The following MYO9B variants were observed in gnomAD, a reference collection of about 807,000 sequenced individuals.
MYO9B encodes the protein unconventional myosin-IXb.
A neutral mutation model predicts 229.5 loss-of-function variants in MYO9B; 71 were observed. That is an observed-to-expected ratio of 0.31 (90% CI 0.26 to 0.38). The LOEUF (loss-of-function observed/expected upper bound fraction) is 0.38, where lower values mean the gene tolerates loss of function less well. Ranked by LOEUF, MYO9B falls within the 10% of genes least tolerant of loss-of-function variation. The pLI, the probability that MYO9B is intolerant of heterozygous loss-of-function variation, is 1.00. For missense variants in MYO9B, 2,255 were observed against 2,920.5 expected (o/e 0.77, Z 5.25); for synonymous variants, 1,185 against 1,235.8 (o/e 0.96, Z 0.86).
At chr19:17,120,801 G>GAT (rs1173014470) in intron 2 of MYO9B, among the ~76,000 whole-genome samples, 1 of 151,810 alleles carries the variant, frequency 6.6e-6, no homozygotes, top group Non-Finnish European at 1.5e-5. Context: ...GAGAGAGAGA[G>GAT]ATATATAACA....
At chr19:17,135,702 GGGGTAATC>G (rs755857813) in intron 2 of MYO9B, among the ~76,000 whole-genome samples, 15 of 152,144 alleles carry the variant, frequency 9.9e-5, no homozygotes, top group Non-Finnish European at 4.4e-5. Context: ...ATTGGTGCAC[GGGGTAATC>G]GGGTAATCGC....
Position 17,172,622 on chromosome 19 carries a change from C to T in MYO9B, c.1936-137C>T. On this transcript the variant is annotated intron_variant, in intron 12 of 39. Coordinates refer to ENST00000682292, the MANE Select transcript of MYO9B (RefSeq NM_004145.4). The surrounding 1 kb of genome is among the most constrained non-coding windows in gnomAD (Gnocchi z 8.2). ...TCCCCGGCTCCAATGTCCAAGGCGC[C>T]ATAGTTCAAGAACTGCCATTTGCAC... 1 of 1,461,110 alleles carries T rather than the reference C, an allele frequency of 6.8e-7. No individual in the cohort carries two copies. The highest frequency in any genetic ancestry group is 1.4e-5 in the African/African-American group (1 of 71,860). 90.5% of individuals were successfully genotyped at this position (1,461,110 alleles called of 1,614,324 possible).
chr19:17,132,780 G>A (rs1478371267), intron 2 of MYO9B, among the ~76,000 whole-genome samples: 23 of 151,064 alleles, frequency 1.5e-4, no homozygotes, highest in Admixed American at 1.5e-3. Flanking sequence ...CACCCACCTT[G>A]GCTTCCGAAG....
intron 2 of MYO9B, among the ~76,000 whole-genome samples, chr19:17,114,285 G>A (rs117780467): frequency 6.6e-5 from 10 of 152,176 alleles, no homozygotes; most frequent in East Asian, 1.9e-4. Flanking sequence ...GACCAAATTC[G>A]GCACGATTGT....
rs934099449 is a variant in MYO9B at position 17,180,846 on chromosome 19, C to T, written c.2220-81C>T. 5.4e-5 allele frequency: 50 copies of T among 918,430 alleles called. 1 individual carries two copies. The highest frequency in any genetic ancestry group is 2.2e-4 in the Middle Eastern group (1 of 4,572). The allele number at this position is 918,430 out of a possible 1,614,324, so 56.9% of individuals were successfully genotyped here. Reference sequence around the variant, plus strand: ...AGTGGCCTGGGGATGGTCCCAATGGCGCTGGGAACCCCGAGGTGGCAGGCC... The same window carrying T: ...AGTGGCCTGGGGATGGTCCCAATGGTGCTGGGAACCCCGAGGTGGCAGGCC... On this transcript the variant is annotated intron_variant, in intron 14 of 39. Coordinates refer to ENST00000682292, the MANE Select transcript of MYO9B (RefSeq NM_004145.4).
At chr19:17,131,022 G>A (rs1382799996) in intron 2 of MYO9B, among the ~76,000 whole-genome samples, 1 of 152,048 alleles carries the variant, frequency 6.6e-6, no homozygotes, top group Non-Finnish European at 1.5e-5. Flanking sequence ...CATACCCCAG[G>A]TACTATCTGA....
intron 2 of MYO9B, among the ~76,000 whole-genome samples, chr19:17,111,293 C>A (rs1456245988): frequency 6.6e-6 from 1 of 152,172 alleles, no homozygotes; most frequent in African/African-American, 2.4e-5. Flanking sequence ...GTTTCTGGAA[C>A]CAGGTGTGTG....
At position 17,154,060 on chromosome 19, in the gene MYO9B, C is replaced by T; in HGVS notation, c.1092C>T (p.Leu364=). ...QLKQPEDYFY[L]NQHNLKIEDG... is the part of the protein sequence containing the mutation. ...AGCAGCCTGAAGATTATTTCTACCT[C>T]AACCAGGTAAACAGCCTCAAGCCCG... is the stretch of plus-strand genomic sequence containing the variant. Residue 364 remains leucine (L), a synonymous_variant, in exon 5 of 40, where the codon CTC becomes CTT. Transcript: ENST00000682292. 1.2e-6 allele frequency: 2 copies of T among 1,611,508 alleles called. No homozygotes were observed. Among genetic ancestry groups the T allele is most frequent in the Non-Finnish European group, 1.7e-6 (2 of 1,179,298 alleles).
intron 13 of MYO9B, 76 bp downstream of exon 13, chr19:17,173,039 A>C: frequency 2.0e-6 from 3 of 1,504,558 alleles, no homozygotes; most frequent in African/African-American, 1.4e-5. Context: ...CTTAAAGTGA[A>C]CACTTCAGTG....
rs115734315 is a variant in MYO9B, at chr19:17,194,450, C to T, written c.3129-106C>T. On this transcript the variant is annotated intron_variant, in intron 21 of 39. Coordinates refer to ENST00000682292, the MANE Select transcript of MYO9B (RefSeq NM_004145.4). ...ATCTCTCAGGGCCACTGGGCACAGG[C>T]GAAGCCCCGTCTGCAGCCCGCAGGC... The T allele has an allele frequency of 3.0e-4, 388 of 1,305,880 alleles. 2 individuals are homozygous for T. In the African/African-American group the frequency reaches 5.1e-3, roughly 17 times the overall value. 80.9% of individuals were successfully genotyped at this position (1,305,880 alleles called of 1,614,324 possible). A position where few individuals can be genotyped will look rare whatever the true frequency, so the allele number is the denominator to read the frequency against.
At chr19:17,162,664 C>G (rs571186616) in intron 9 of MYO9B, among the ~76,000 whole-genome samples, 198 bp downstream of exon 9, 7 of 152,020 alleles carry the variant, frequency 4.6e-5, no homozygotes, top group African/African-American at 1.7e-4. Flanking sequence ...AACATAAGGC[C>G]CCTTATTCAA....
intron 18 of MYO9B, 149 bp from the exon 19 acceptor site, chr19:17,187,786 C>A: frequency 1.5e-6 from 1 of 655,016 alleles, no homozygotes; most frequent in Non-Finnish European, 2.7e-6. Flanking sequence ...CGTGTGCACC[C>A]TGACCATGTC....
intron 15 of MYO9B, among the ~76,000 whole-genome samples, chr19:17,183,136 G>A (rs2072880055): frequency 6.6e-6 from 1 of 152,120 alleles, no homozygotes; most frequent in Non-Finnish European, 1.5e-5. Flanking sequence ...TGGCCAGGCT[G>A]GCCTTGAACT....
At chr19:17,190,225 GCT>G (rs757637552) in intron 19 of MYO9B, among the ~76,000 whole-genome samples, 4 of 151,872 alleles carry the variant, frequency 2.6e-5, no homozygotes, top group Non-Finnish European at 4.4e-5. Flanking sequence ...GCAGAGCCTT[GCT>G]CTGTCGCCCA....
chr19:17,113,482 G>A (rs1400597951), intron 2 of MYO9B, among the ~76,000 whole-genome samples: 2 of 152,192 alleles, frequency 1.3e-5, no homozygotes, highest in Admixed American at 1.3e-4. Context: ...GCTAGCCCAG[G>A]CCATCCGAAA....
chr19:17,127,792 T>G (rs1414369041), intron 2 of MYO9B, among the ~76,000 whole-genome samples: 1 of 152,210 alleles, frequency 6.6e-6, no homozygotes, highest in Non-Finnish European at 1.5e-5. Context: ...GTGACCGCTT[T>G]CCTGCCACAT....
At chr19:17,204,435 G>T (rs1356998694) in intron 30 of MYO9B, among the ~76,000 whole-genome samples, 1 of 151,148 alleles carries the variant, frequency 6.6e-6, no homozygotes, top group Non-Finnish European at 1.5e-5. Context: ...ACCTGCTCAT[G>T]GTTCCGCTAG....
rs550443471 is a variant in MYO9B, at chr19:17,187,228, T to C, written c.2578-707T>C. Among the ~76,000 whole-genome samples, 2 of 152,332 alleles carry C rather than the reference T, an allele frequency of 1.3e-5. 1 individual carries two copies. Among genetic ancestry groups the C allele is most frequent in the South Asian group, 4.1e-4 (2 of 4,826 alleles). ...CCTGTGGGCCTCCACCCAGCTGTTC[T>C]CTGCCTGTTCCCTCCTCAGGACACA... On this transcript the variant is annotated intron_variant, in intron 18 of 39. Transcript: ENST00000682292.
intron 22 of MYO9B, among the ~76,000 whole-genome samples, chr19:17,196,141 TGTGG>T (rs56003665): frequency 0.5 from 37,290 of 74,014 alleles, 8,069 homozygotes; most frequent in East Asian, 0.79. Flanking sequence ...GGGAAGGATG[TGTGG>T]GTGGGTGGGT....
Sources: gnomAD v4.1 joint callset for allele counts (sites outside exome capture counted in the v4.1 genomes callset) on GRCh38, gnomAD v4.1.1 for gene constraint, Gnocchi (gnomAD v3.1) non-coding constraint, MANE v1.5 for transcripts, NCBI Gene and HGNC (gene_info 2026-07-23, HGNC 2026-07-21) for gene names.